The following ARL8B variants were observed in gnomAD, a reference collection of about 807,000 sequenced individuals.
The protein encoded by ARL8B is ADP-ribosylation factor-like protein 8B.
In ARL8B, 9 loss-of-function variants were observed where a neutral mutation model predicts 30.6. The ratio of observed to expected loss-of-function variants is 0.29; its 90% CI spans 0.18 to 0.51. The LOEUF (loss-of-function observed/expected upper bound fraction) is 0.51. Among genes scored for constraint, ARL8B ranks in the 20% least tolerant of loss-of-function variants. ARL8B has a pLI of 0.97. For missense variants in ARL8B, 130 were observed against 227.2 expected (o/e 0.57, Z 2.75); for synonymous variants, 74 against 76.0 (o/e 0.97, Z 0.14).
intron 1 of ARL8B, among the ~76,000 whole-genome samples, chr3:5,137,664 C>T (rs2054339602): frequency 6.6e-6 from 1 of 152,174 alleles, no homozygotes. Context: ...GTCTCAACTC[C>T]TGATCTCAAA....
At chr3:5,123,022 A>G (rs1415434703) in intron 1 of ARL8B, among the ~76,000 whole-genome samples, 1 of 152,162 alleles carries the variant, frequency 6.6e-6, no homozygotes, top group African/African-American at 2.4e-5. Context: ...AAGCATTAAG[A>G]GCCTCTCTTA....
At chr3:5,178,516 G>T in intron 6 of ARL8B, 148 bp from the exon 7 acceptor site, 1 of 607,034 alleles carries the variant, frequency 1.6e-6, no homozygotes, top group East Asian at 3.0e-5. Flanking sequence ...CTTGAAGTTC[G>T]GGTAATGGAG....
Position 5,168,595 on chromosome 3 carries a change from CATT to C in ARL8B, c.124-1904_124-1902del, listed in dbSNP as rs1347731017. Reference sequence around the variant, plus strand: ...TACCCCAGTATACTGCAGCCCCCTACATTATTTTATTATGAAGTGCTGTAGTTG... The same window carrying C: ...TACCCCAGTATACTGCAGCCCCCTACATTTTATTATGAAGTGCTGTAGTTG... On this transcript the variant is annotated intron_variant, in intron 1 of 6. Transcript: ENST00000256496. Among the ~76,000 whole-genome samples, 9 of 152,340 alleles carry C rather than the reference CATT, an allele frequency of 5.9e-5. No individual in the cohort carries two copies. In the East Asian group the frequency reaches 1.2e-3, roughly 20 times the overall value.
At chr3:5,163,795 G>A (rs545064204) in intron 1 of ARL8B, among the ~76,000 whole-genome samples, 5 of 152,242 alleles carry the variant, frequency 3.3e-5, no homozygotes, top group African/African-American at 1.2e-4. Context: ...GCTTGAACCC[G>A]GGAGGCAGAG....
At position 5,170,571 on chromosome 3, in the gene ARL8B, C is replaced by T. The variant is rs1476569900; in HGVS notation, c.192C>T (p.Asn64=). 7 of 1,610,818 alleles carry T rather than the reference C, an allele frequency of 4.3e-6. No homozygotes were observed. The highest frequency in any genetic ancestry group is 5.1e-6 in the Non-Finnish European group (6 of 1,177,502). The change falls in exon 2 of 7, where the codon AAC becomes AAT. Residue 64 remains asparagine (N), a synonymous_variant. Transcript: ENST00000256496. The stretch of plus-strand genomic sequence containing the variant: ...ACATGAGGAAGGTAACTAAAGGTAA[C>T]GTCACAATAAAGGTAAGTTATTTCT... ...GFNMRKVTKG[N]VTIKIWDIGG...
intron 1 of ARL8B, among the ~76,000 whole-genome samples, chr3:5,125,342 T>G (rs1447388144): frequency 6.6e-6 from 1 of 152,198 alleles, no homozygotes; most frequent in African/African-American, 2.4e-5. Context: ...GGGACTCAAC[T>G]GGTATCATTT....
At chr3:5,150,732 A>G (rs1346628420) in intron 1 of ARL8B, among the ~76,000 whole-genome samples, 1 of 152,196 alleles carries the variant, frequency 6.6e-6, no homozygotes, top group East Asian at 1.9e-4. Context: ...GCAGTGAGCC[A>G]GGATTGCTCC....
chr3:5,172,256 A>T (rs2054683107), intron 3 of ARL8B, 33 bp downstream of exon 3: 1 of 1,569,630 alleles, frequency 6.4e-7, no homozygotes, highest in Non-Finnish European at 8.7e-7. Flanking sequence ...TTTGCTTTTA[A>T]ATCAATGTAG....
intron 1 of ARL8B, among the ~76,000 whole-genome samples, chr3:5,165,862 T>G (rs2054619215): frequency 6.6e-6 from 1 of 152,160 alleles, no homozygotes; most frequent in African/African-American, 2.4e-5. Flanking sequence ...ACCTAATCCA[T>G]TTAGTACTAC....
At chr3:5,137,002 T>C (rs1255915527) in intron 1 of ARL8B, among the ~76,000 whole-genome samples, 1 of 152,154 alleles carries the variant, frequency 6.6e-6, no homozygotes, top group African/African-American at 2.4e-5. Context: ...TTATGGCCTT[T>C]AAATGAAGCA....
At chr3:5,159,913 T>A (rs921615680) in intron 1 of ARL8B, among the ~76,000 whole-genome samples, 2 of 152,258 alleles carry the variant, frequency 1.3e-5, no homozygotes, top group South Asian at 2.1e-4. Flanking sequence ...TTAAAAAGTT[T>A]TTATGTTAGA....
At chr3:5,131,001 C>G (rs186891534) in intron 1 of ARL8B, among the ~76,000 whole-genome samples, 14 of 151,798 alleles carry the variant, frequency 9.2e-5, no homozygotes, top group Admixed American at 7.2e-4. Flanking sequence ...AGTGCAGTGG[C>G]ACGGGGATTC....
intron 1 of ARL8B, among the ~76,000 whole-genome samples, chr3:5,164,046 C>T (rs956427713): frequency 1.3e-5 from 2 of 152,160 alleles, no homozygotes; most frequent in Non-Finnish European, 2.9e-5. Flanking sequence ...AAAATCTGTA[C>T]GTATTCAAGT....
intron 1 of ARL8B, among the ~76,000 whole-genome samples, chr3:5,168,401 T>A (rs1256325346): frequency 6.6e-6 from 1 of 152,186 alleles, no homozygotes; most frequent in Non-Finnish European, 1.5e-5. Context: ...CAACAAATAT[T>A]TATTGAATAT....
intron 1 of ARL8B, among the ~76,000 whole-genome samples, chr3:5,141,904 T>C (rs2054376818): frequency 6.6e-6 from 1 of 152,224 alleles, no homozygotes; most frequent in African/African-American, 2.4e-5. Flanking sequence ...GTTCACATTC[T>C]TATTAATAGT....
intron 1 of ARL8B, among the ~76,000 whole-genome samples, chr3:5,161,930 T>C (rs2054587982): frequency 6.6e-6 from 1 of 152,212 alleles, no homozygotes; most frequent in South Asian, 2.1e-4. Flanking sequence ...CTCTTCTTTT[T>C]ATTGTTGAAT....
chr3:5,164,730 A>G (rs1291805837), intron 1 of ARL8B, among the ~76,000 whole-genome samples: 3 of 152,196 alleles, frequency 2.0e-5, no homozygotes, highest in East Asian at 1.9e-4. Flanking sequence ...AGTTGACCCA[A>G]TAATATCATT....
At chr3:5,151,568 T>TGACCAATAGATTATATAGCCA (rs2054483918) in intron 1 of ARL8B, among the ~76,000 whole-genome samples, 1 of 152,248 alleles carries the variant, frequency 6.6e-6, no homozygotes, top group Non-Finnish European at 1.5e-5. Flanking sequence ...CTTCCTTCTG[T>TGACCAATAGATTATATAGCCA]GACCAATAGA....
At chr3:5,137,685 G>T (rs900232615) in intron 1 of ARL8B, among the ~76,000 whole-genome samples, 1 of 152,060 alleles carries the variant, frequency 6.6e-6, no homozygotes, top group African/African-American at 2.4e-5. Context: ...TGATCCACCC[G>T]CCTTGGCCTC....
Sources: allele counts gnomAD v4.1 joint callset (sites outside exome capture counted in the v4.1 genomes callset), GRCh38; gene constraint gnomAD v4.1.1; transcripts MANE v1.5; gene names NCBI Gene and HGNC (gene_info 2026-07-23, HGNC 2026-07-21).